Variants in IKZF2 observed in about 807,000 individuals in gnomAD.
IKZF2 encodes the protein zinc finger protein Helios.
IKZF2 carries 15 observed loss-of-function variants against 49.2 expected under a neutral mutation model. The ratio of observed to expected loss-of-function variants is 0.30; its 90% confidence interval spans 0.20 to 0.47. IKZF2 has a LOEUF of 0.47. Ranked by LOEUF, IKZF2 falls within the 20% of genes least tolerant of loss-of-function variation. The pLI, the probability that IKZF2 is intolerant of heterozygous loss-of-function variation, is 1.00. For synonymous variants in IKZF2, 227 were observed against 221.4 expected (o/e 1.03, Z -0.23); for missense variants, 567 against 664.6 (o/e 0.85, Z 1.61).
intron 4 of IKZF2, chr2:213,081,100 G>A (rs1703903973): frequency 1.3e-5 from 2 of 154,654 alleles, no homozygotes; most frequent in African/African-American, 2.4e-5. Flanking sequence ...AGATGAGTAA[G>A]GCCCATGAGG....
At chr2:213,086,566 C>G (rs750240399) in intron 4 of IKZF2, among the ~76,000 whole-genome samples, 13 of 152,064 alleles carry the variant, frequency 8.5e-5, no homozygotes, top group Admixed American at 4.6e-4. Flanking sequence ...AAACACTAGC[C>G]CGGAAGCTCA....
chr2:213,075,740 T>C (rs929355536), intron 4 of IKZF2, among the ~76,000 whole-genome samples: 7 of 152,164 alleles, frequency 4.6e-5, no homozygotes, highest in African/African-American at 1.7e-4. Flanking sequence ...ACACCCAGTG[T>C]ATTTTAACCA....
intron 4 of IKZF2, among the ~76,000 whole-genome samples, chr2:213,143,845 G>T (rs2060955427): frequency 6.6e-6 from 1 of 151,850 alleles, no homozygotes; most frequent in African/African-American, 2.4e-5. Flanking sequence ...TTCTATTTCT[G>T]AGATATTTGT....
chr2:213,077,843 C>A (rs550104063), intron 4 of IKZF2, among the ~76,000 whole-genome samples: 1 of 152,116 alleles, frequency 6.6e-6, no homozygotes, highest in African/African-American at 2.4e-5. Context: ...CCTCCTCGGC[C>A]TCCCAAAGTA....
chr2:213,019,176 A>G (rs534926466), intron 7 of IKZF2, among the ~76,000 whole-genome samples: 1 of 152,282 alleles, frequency 6.6e-6, no homozygotes, highest in Non-Finnish European at 1.5e-5. Context: ...AACACAGGGA[A>G]AAACATGTTT....
At chr2:213,121,298 A>G (rs1454965015) in intron 4 of IKZF2, among the ~76,000 whole-genome samples, 1 of 152,186 alleles carries the variant, frequency 6.6e-6, no homozygotes, top group Non-Finnish European at 1.5e-5. Flanking sequence ...CTATTTCTTC[A>G]GACTGTTGGA....
intron 4 of IKZF2, among the ~76,000 whole-genome samples, chr2:213,073,477 T>C (rs116193688): frequency 0.022 from 3,288 of 152,242 alleles, 120 homozygotes; most frequent in African/African-American, 0.075. Flanking sequence ...ATTGACATGA[T>C]CTATGTTTCA....
intron 4 of IKZF2, among the ~76,000 whole-genome samples, chr2:213,137,312 T>G (rs1472710656): frequency 1.3e-5 from 2 of 152,118 alleles, no homozygotes; most frequent in Admixed American, 1.3e-4. Context: ...TGCTTTCAAG[T>G]AGTTTTCAAA....
At chr2:213,125,555 A>T in intron 4 of IKZF2, among the ~76,000 whole-genome samples, 1 of 152,244 alleles carries the variant, frequency 6.6e-6, no homozygotes, top group Non-Finnish European at 1.5e-5. Context: ...GTAAATTGTT[A>T]TACTTTCCAA....
intron 6 of IKZF2, among the ~76,000 whole-genome samples, chr2:213,047,178 C>T (rs545171890): frequency 6.6e-6 from 1 of 152,244 alleles, no homozygotes; most frequent in African/African-American, 2.4e-5. Flanking sequence ...TTACCAATTA[C>T]CCTTGTATTC....
intron 4 of IKZF2, among the ~76,000 whole-genome samples, chr2:213,106,043 G>A (rs1222236721): frequency 6.6e-6 from 1 of 152,062 alleles, no homozygotes; most frequent in Non-Finnish European, 1.5e-5. Context: ...CTAAAATATA[G>A]TAACAAAATT....
chr2:213,119,165 G>C (rs2059969819), intron 4 of IKZF2, among the ~76,000 whole-genome samples: 1 of 152,138 alleles, frequency 6.6e-6, no homozygotes, highest in South Asian at 2.1e-4. Flanking sequence ...GCAGGACAGT[G>C]AAGCAACAAG....
At chr2:213,123,969 A>G (rs977039575) in intron 4 of IKZF2, among the ~76,000 whole-genome samples, 5 of 151,498 alleles carry the variant, frequency 3.3e-5, no homozygotes, top group Non-Finnish European at 5.9e-5. Context: ...CATTTCAGAC[A>G]GGCAGATGAG....
chr2:213,044,695 C>T (rs1699986985), intron 6 of IKZF2, among the ~76,000 whole-genome samples: 1 of 152,086 alleles, frequency 6.6e-6, no homozygotes, highest in Non-Finnish European at 1.5e-5. Context: ...AAACTGAGTG[C>T]CTGGAATACT....
rs939791332 is a variant in IKZF2, at chr2:213,150,284, T to G, written c.-119-37A>C. The G allele has an allele frequency of 4.9e-6, 4 of 814,908 alleles. 1 individual carries two copies. In the Admixed American group the frequency reaches 7.2e-5, roughly 15 times the overall value. 50.5% of individuals were successfully genotyped at this position (814,908 alleles called of 1,614,324 possible). A position where few individuals can be genotyped will look rare whatever the true frequency, so the allele number is the denominator to read the frequency against. On this transcript the variant is annotated intron_variant, in intron 1 of 8. Transcript: ENST00000434687. ...CGGAGGGAGAAAGAAAGAAGTTTTT[T>G]GTGTTTCCCCCTTCTCTCTTTCCCT...
chr2:213,071,289 T>G (rs982986282), intron 4 of IKZF2, among the ~76,000 whole-genome samples: 1 of 152,036 alleles, frequency 6.6e-6, no homozygotes, highest in African/African-American at 2.4e-5. Context: ...TATTACGGAA[T>G]AAAAATATAC....
At chr2:213,080,554 A>T (rs544034192) in intron 4 of IKZF2, among the ~76,000 whole-genome samples, 2 of 152,190 alleles carry the variant, frequency 1.3e-5, no homozygotes, top group Non-Finnish European at 2.9e-5. Flanking sequence ...ATAATGTATG[A>T]CTGTAAGAGA....
intron 4 of IKZF2, among the ~76,000 whole-genome samples, chr2:213,131,505 G>C (rs2060473044): frequency 6.6e-6 from 1 of 152,060 alleles, no homozygotes; most frequent in Non-Finnish European, 1.5e-5. Flanking sequence ...TGACCTGTTT[G>C]TATATACATT....
chr2:213,147,659 G>C, intron 4 of IKZF2, 49 bp downstream of exon 4: 1 of 1,354,724 alleles, frequency 7.4e-7, no homozygotes, highest in Non-Finnish European at 1.1e-6. Flanking sequence ...AAAGTCTGTT[G>C]CTGGAGAGAC....
Sources: allele counts gnomAD v4.1 joint callset (sites outside exome capture counted in the v4.1 genomes callset), GRCh38; gene constraint gnomAD v4.1.1; transcripts MANE v1.5; gene names NCBI Gene and HGNC (gene_info 2026-07-23, HGNC 2026-07-21).